The following MGAT5 variants were observed in gnomAD, a reference collection of about 807,000 sequenced individuals.
MGAT5 encodes alpha-1,6-mannosylglycoprotein 6-beta-N-acetylglucosaminyltransferase A.
Under a neutral mutation model 94.3 loss-of-function variants are expected in MGAT5, and 30 were observed. The ratio of observed to expected loss-of-function variants is 0.32; its 90% CI spans 0.24 to 0.43. The LOEUF is 0.43. Ranked by LOEUF, MGAT5 falls within the 20% of genes least tolerant of loss-of-function variation. The probability of loss-of-function intolerance (pLI) is 1.00; values close to 1 mark genes in which losing one functional copy is unlikely to be tolerated. For missense variants in MGAT5, 691 were observed against 905.5 expected (o/e 0.76, Z 3.04); for synonymous variants, 310 against 322.9 (o/e 0.96, Z 0.43).
chr2:134,222,483 A>T (rs1425944621), intron 1 of MGAT5, among the ~76,000 whole-genome samples: 1 of 152,298 alleles, frequency 6.6e-6, no homozygotes, highest in East Asian at 1.9e-4. Context: ...TTAGAATTTA[A>T]TAAATTTAAT....
chr2:134,192,201 C>T (rs182459319), intron 1 of MGAT5, among the ~76,000 whole-genome samples: 2 of 152,032 alleles, frequency 1.3e-5, no homozygotes, highest in East Asian at 2.0e-4. Flanking sequence ...CTTTTTTCTT[C>T]TGCTTGCGCG....
intron 4 of MGAT5, chr2:134,319,811 ACAT>A (rs1687211512): frequency 5.2e-6 from 2 of 385,060 alleles, no homozygotes; most frequent in African/African-American, 4.3e-5. Context: ...CTGGGTCCGT[ACAT>A]ATGCATGTCT....
At chr2:134,380,295 G>C (rs996363363) in intron 10 of MGAT5, among the ~76,000 whole-genome samples, 1 of 152,154 alleles carries the variant, frequency 6.6e-6, no homozygotes, top group Non-Finnish European at 1.5e-5. Context: ...GTTTCTTCTG[G>C]AGCATAGTAA....
chr2:134,342,159 T>C (rs1688670370), intron 7 of MGAT5, among the ~76,000 whole-genome samples: 1 of 152,210 alleles, frequency 6.6e-6, no homozygotes, highest in Non-Finnish European at 1.5e-5. Flanking sequence ...CTGTTTGTAA[T>C]TCAATTTGGA....
chr2:134,387,733 C>T (rs181977967), intron 10 of MGAT5, among the ~76,000 whole-genome samples: 2 of 152,062 alleles, frequency 1.3e-5, no homozygotes, highest in East Asian at 3.9e-4. Context: ...CTGAACAGCA[C>T]AAAAGAGTTT....
At chr2:134,141,428 G>T (rs1686651241) in intron 1 of MGAT5, among the ~76,000 whole-genome samples, 1 of 142,630 alleles carries the variant, frequency 7.0e-6, no homozygotes, top group South Asian at 2.4e-4. Context: ...GTAGGCTCTT[G>T]GGACATTTTT....
At chr2:134,405,890 G>A (rs1683305537) in intron 11 of MGAT5, among the ~76,000 whole-genome samples, 1 of 152,254 alleles carries the variant, frequency 6.6e-6, no homozygotes, top group Non-Finnish European at 1.5e-5. Context: ...CAGGGAACCT[G>A]TGAAGATGGA....
chr2:134,339,001 A>G (rs192283620), intron 6 of MGAT5, among the ~76,000 whole-genome samples: 4 of 152,316 alleles, frequency 2.6e-5, no homozygotes, highest in Admixed American at 6.5e-5. Flanking sequence ...GCTTTAGATT[A>G]ACTGTTCTGT....
At chr2:134,407,636 C>A (rs572040081) in intron 11 of MGAT5, among the ~76,000 whole-genome samples, 1 of 152,318 alleles carries the variant, frequency 6.6e-6, no homozygotes, top group African/African-American at 2.4e-5. Context: ...AGGCCTTAGT[C>A]TAGCCATTCT....
chr2:134,121,423 G>A (rs1158160651), intron 1 of MGAT5, among the ~76,000 whole-genome samples: 1 of 152,234 alleles, frequency 6.6e-6, no homozygotes, highest in Non-Finnish European at 1.5e-5. Context: ...TGTAGCCGCC[G>A]CGCGGAAGAG....
chr2:134,308,490 G>T (rs1256010390), intron 2 of MGAT5, among the ~76,000 whole-genome samples: 1 of 152,142 alleles, frequency 6.6e-6, no homozygotes, highest in South Asian at 2.1e-4. Context: ...AAGTGTATAT[G>T]GCATTGGGCT....
rs758578276 is a variant in MGAT5, at chr2:134,403,127, G to A, written c.1520G>A (p.Arg507Gln). 29 of 1,601,276 alleles carry A rather than the reference G, an allele frequency of 1.8e-5. No individual in the cohort carries two copies. Among genetic ancestry groups the A allele is most frequent in the African/African-American group, 2.7e-5 (2 of 74,088 alleles). Residue 507 changes from arginine to glutamine, a missense_variant, in exon 11 of 16, where the codon CGA (arginine) becomes CAA (glutamine). Around this residue, in one of 4 missense-constraint regions of MGAT5, gnomAD observed 260 missense variants for 347.0 expected, o/e 0.75. Transcript: ENST00000281923. Reference protein sequence around the residue: ...LSGRDLQFLLRETKLFVGLGF... With the variant: ...LSGRDLQFLLQETKLFVGLGF... ...GGACGGGACCTGCAGTTCCTTCTTCGAGAAACCAAGGTAAAAATTCACCAC... is the reference window on the plus strand; with the variant it reads ...GGACGGGACCTGCAGTTCCTTCTTCAAGAAACCAAGGTAAAAATTCACCAC...
intron 15 of MGAT5, among the ~76,000 whole-genome samples, chr2:134,447,944 C>T (rs1055191838): frequency 6.6e-6 from 1 of 152,220 alleles, no homozygotes; most frequent in African/African-American, 2.4e-5. Flanking sequence ...ACTGGGGTTA[C>T]CATTGCCATG....
At chr2:134,188,335 G>A (rs1161041971) in intron 1 of MGAT5, among the ~76,000 whole-genome samples, 5 of 152,340 alleles carry the variant, frequency 3.3e-5, no homozygotes, top group Admixed American at 3.3e-4. Context: ...ACAGCCTCTA[G>A]GGATGGAGGA....
chr2:134,364,155 T>A (rs1310889759), intron 10 of MGAT5, among the ~76,000 whole-genome samples: 5 of 152,234 alleles, frequency 3.3e-5, no homozygotes, highest in Admixed American at 3.3e-4. Flanking sequence ...TTTGGTCACC[T>A]GTTTTAGATA....
At chr2:134,123,601 T>G (rs986048537) in intron 1 of MGAT5, among the ~76,000 whole-genome samples, 10 of 152,104 alleles carry the variant, frequency 6.6e-5, no homozygotes, top group African/African-American at 2.4e-4. Flanking sequence ...GGGGGTGGCA[T>G]TCTGTGTTGA....
At chr2:134,394,924 A>G (rs1474685164) in intron 10 of MGAT5, among the ~76,000 whole-genome samples, 1 of 152,212 alleles carries the variant, frequency 6.6e-6, no homozygotes, top group Non-Finnish European at 1.5e-5. Flanking sequence ...AAAACATGCA[A>G]TTTCAGTTTG....
At chr2:134,280,777 A>G (rs756375441) in intron 2 of MGAT5, among the ~76,000 whole-genome samples, 1 of 152,272 alleles carries the variant, frequency 6.6e-6, no homozygotes, top group Non-Finnish European at 1.5e-5. Flanking sequence ...TGCTAGGAGT[A>G]TGAGTTAACA....
intron 1 of MGAT5, among the ~76,000 whole-genome samples, chr2:134,150,180 T>C (rs1687106530): frequency 6.6e-6 from 1 of 152,202 alleles, no homozygotes; most frequent in Non-Finnish European, 1.5e-5. Context: ...TGCTGAGCAC[T>C]TAGGTGCTAG....
Sources: allele counts gnomAD v4.1 joint callset (sites outside exome capture counted in the v4.1 genomes callset), GRCh38; gene constraint gnomAD v4.1.1; regional missense constraint gnomAD v4.1.1; transcripts MANE v1.5; gene names NCBI Gene and HGNC (gene_info 2026-07-23, HGNC 2026-07-21).